Variants in UBE2K observed in about 807,000 individuals in gnomAD.
UBE2K encodes ubiquitin-conjugating enzyme E2 K.
UBE2K carries 6 observed loss-of-function variants against 30.0 expected under a neutral mutation model. The ratio of observed to expected loss-of-function variants is 0.20; its 90% CI spans 0.11 to 0.39. The LOEUF is 0.39. UBE2K is among the 10% of genes least tolerant of loss of function. The probability of loss-of-function intolerance (pLI) is 1.00; values close to 1 mark genes in which losing one functional copy is unlikely to be tolerated. For missense variants in UBE2K, 61 were observed against 241.6 expected (o/e 0.25, Z 4.96); for synonymous variants, 86 against 83.7 (o/e 1.03, Z -0.15).
At chr4:39,707,265 T>A (rs1260697136) in intron 1 of UBE2K, among the ~76,000 whole-genome samples, 4 of 151,754 alleles carry the variant, frequency 2.6e-5, no homozygotes, top group Admixed American at 1.3e-4. Flanking sequence ...CAGGCTGGAG[T>A]GCGGTGACAT....
chr4:39,768,317 C>T (rs1474850630), intron 4 of UBE2K, among the ~76,000 whole-genome samples: 1 of 147,962 alleles, frequency 6.8e-6, no homozygotes, highest in African/African-American at 2.5e-5. Context: ...TGGTAGCAGG[C>T]GCCTGTAATC....
At chr4:39,765,125 T>C (rs987096406) in intron 4 of UBE2K, among the ~76,000 whole-genome samples, 1 of 152,260 alleles carries the variant, frequency 6.6e-6, no homozygotes, top group African/African-American at 2.4e-5. Context: ...GACCTCGTGA[T>C]CCGCCCGCCT....
chr4:39,752,063 A>G (rs530396942), intron 3 of UBE2K, among the ~76,000 whole-genome samples: 7 of 152,354 alleles, frequency 4.6e-5, no homozygotes, highest in South Asian at 4.1e-4. Context: ...GACATCTTCA[A>G]TAGTGTTTTA....
At chr4:39,724,483 A>G (rs1336502580) in intron 1 of UBE2K, among the ~76,000 whole-genome samples, 1 of 147,640 alleles carries the variant, frequency 6.8e-6, no homozygotes, top group African/African-American at 2.5e-5. Context: ...ATGGTGGCTC[A>G]TGCCTGTAAT....
chr4:39,702,650 A>G (rs1718102157), intron 1 of UBE2K, among the ~76,000 whole-genome samples: 1 of 152,150 alleles, frequency 6.6e-6, no homozygotes, highest in Non-Finnish European at 1.5e-5. Flanking sequence ...TTCCCTCATC[A>G]TTTAAATAGA....
chr4:39,749,776 A>C (rs1721160905), intron 3 of UBE2K, among the ~76,000 whole-genome samples: 1 of 152,236 alleles, frequency 6.6e-6, no homozygotes, highest in Non-Finnish European at 1.5e-5. Context: ...ACCAATGCTA[A>C]TAATCTTTAA....
intron 1 of UBE2K, among the ~76,000 whole-genome samples, chr4:39,721,812 G>C (rs1719433547): frequency 6.6e-6 from 1 of 152,024 alleles, no homozygotes; most frequent in African/African-American, 2.4e-5. Flanking sequence ...CTTTTGGTTG[G>C]GCATGGTGGC....
intron 4 of UBE2K, among the ~76,000 whole-genome samples, chr4:39,757,508 T>C (rs983300238): frequency 1.2e-4 from 18 of 152,142 alleles, no homozygotes; most frequent in African/African-American, 4.3e-4. Flanking sequence ...GAGTAAATCC[T>C]GTCCCTCAGT....
chr4:39,704,715 A>T (rs1203506588), intron 1 of UBE2K, among the ~76,000 whole-genome samples: 1 of 151,632 alleles, frequency 6.6e-6, no homozygotes, highest in East Asian at 1.9e-4. Flanking sequence ...TAATTTATGT[A>T]ATTTTTTGTA....
intron 4 of UBE2K, chr4:39,771,511 C>A: frequency 7.0e-7 from 1 of 1,431,856 alleles, no homozygotes; most frequent in Non-Finnish European, 9.2e-7. Context: ...CCCACCCCCG[C>A]GGGGCCGGAA....
At chr4:39,714,550 A>ATATATATATATT in intron 1 of UBE2K, 1 of 17,852 alleles carries the variant, frequency 5.6e-5, no homozygotes, top group African/African-American at 2.5e-4. Flanking sequence ...ATATATATAT[A>ATATATATATATT]TTTTTTTTTT....
chr4:39,755,063 G>T (rs1003713599), intron 3 of UBE2K, among the ~76,000 whole-genome samples: 1 of 152,192 alleles, frequency 6.6e-6, no homozygotes, highest in Non-Finnish European at 1.5e-5. Flanking sequence ...CAGATTGTGG[G>T]AGTTTACATT....
intron 4 of UBE2K, among the ~76,000 whole-genome samples, chr4:39,757,341 A>G (rs892069431): frequency 1.8e-4 from 28 of 152,204 alleles, no homozygotes; most frequent in African/African-American, 6.3e-4. Context: ...TATGTGATTG[A>G]TTTGTTAAGA....
intron 1 of UBE2K, among the ~76,000 whole-genome samples, chr4:39,701,369 T>G (rs184309387): frequency 2.0e-5 from 3 of 152,338 alleles, no homozygotes; most frequent in Admixed American, 1.3e-4. Context: ...TTATTTACTA[T>G]TAGTTATTGC....
intron 3 of UBE2K, among the ~76,000 whole-genome samples, chr4:39,753,104 T>C (rs1401830974): frequency 6.6e-6 from 1 of 152,218 alleles, no homozygotes; most frequent in Non-Finnish European, 1.5e-5. Context: ...AAAGCAATGT[T>C]TGATGTGGGC....
At chr4:39,750,128 A>T (rs554805596) in intron 3 of UBE2K, among the ~76,000 whole-genome samples, 1 of 152,294 alleles carries the variant, frequency 6.6e-6, no homozygotes, top group Non-Finnish European at 1.5e-5. Context: ...CAAGAGGCGG[A>T]GGTTGCAGTA....
chr4:39,753,912 G>C (rs1025054945), intron 3 of UBE2K, among the ~76,000 whole-genome samples: 1 of 152,154 alleles, frequency 6.6e-6, no homozygotes, highest in Non-Finnish European at 1.5e-5. Flanking sequence ...CCTGAGGTCA[G>C]GAGTTTGAGA....
chr4:39,773,465 C>G (rs544688778), intron 4 of UBE2K, among the ~76,000 whole-genome samples: 1 of 151,770 alleles, frequency 6.6e-6, no homozygotes, highest in Non-Finnish European at 1.5e-5. Context: ...GAGACTCCAT[C>G]TCAAGAAAAT....
chr4:39,774,642 A>G (rs1286499567), intron 4 of UBE2K, among the ~76,000 whole-genome samples, 192 bp from the exon 5 acceptor site: 1 of 152,160 alleles, frequency 6.6e-6, no homozygotes, highest in Non-Finnish European at 1.5e-5. Context: ...GAAATAGGCA[A>G]ATTGTAAAGT....
Sources: allele counts gnomAD v4.1 joint callset (sites outside exome capture counted in the v4.1 genomes callset), GRCh38; gene constraint gnomAD v4.1.1; transcripts MANE v1.5; gene names NCBI Gene and HGNC (gene_info 2026-07-23, HGNC 2026-07-21).